MTMR3: variants seen among roughly 807,000 people sequenced by gnomAD.
MTMR3 encodes phosphatidylinositol-3,5-bisphosphate 3-phosphatase MTMR3.
A neutral mutation model predicts 132.4 loss-of-function variants in MTMR3; 32 were observed. The observed-to-expected ratio is 0.24, with a 90% CI of 0.18 to 0.32. MTMR3 has a LOEUF of 0.32. Ranked by LOEUF, MTMR3 falls within the 10% of genes least tolerant of loss-of-function variation. The pLI, the probability that MTMR3 is intolerant of heterozygous loss-of-function variation, is 1.00. For synonymous variants in MTMR3, 556 were observed against 550.3 expected, an observed-to-expected ratio of 1.01 and a Z score of -0.14; for missense variants, 1,216 against 1,489.6, an observed-to-expected ratio of 0.82 and a Z score of 3.02.
intron 3 of MTMR3, among the ~76,000 whole-genome samples, chr22:29,976,827 A>C (rs912830113): frequency 7.9e-5 from 12 of 152,212 alleles, no homozygotes; most frequent in Admixed American, 2.0e-4. Flanking sequence ...GGTTGCTGTT[A>C]GTAAAACCTT....
chr22:30,008,083 C>T lies in MTMR3; in HGVS notation c.1009+51C>T, dbSNP rs765707291. On this transcript the variant is annotated intron_variant, in intron 11 of 19. Transcript: ENST00000401950. Reference sequence around the variant, plus strand: ...CATACTTTCTCCTTGTGAGTGTAGCCCTTGCCCAACTGAGACTTAGTTCCC... The same window carrying T: ...CATACTTTCTCCTTGTGAGTGTAGCTCTTGCCCAACTGAGACTTAGTTCCC... The T allele has an allele frequency of 6.3e-6, 10 of 1,588,372 alleles. No individual in the cohort carries two copies. The Admixed American group carries it at 1.2e-4, about 19-fold the overall frequency.
At chr22:29,994,083 A>T in intron 7 of MTMR3, 1 of 984,572 alleles carries the variant, frequency 1.0e-6, no homozygotes, top group Non-Finnish European at 1.2e-6. Context: ...CAAATCTGTT[A>T]ATGCTGCAGA....
chr22:29,932,790 T>C (rs1187030385), intron 1 of MTMR3, among the ~76,000 whole-genome samples: 1 of 152,154 alleles, frequency 6.6e-6, no homozygotes, highest in African/African-American at 2.4e-5. Flanking sequence ...ATAATAATAG[T>C]TATAGAAATA....
chr22:29,887,051 A>G (rs1282144101), intron 1 of MTMR3, among the ~76,000 whole-genome samples: 1 of 152,216 alleles, frequency 6.6e-6, no homozygotes, highest in Admixed American at 6.5e-5. Flanking sequence ...GAGGCTACCA[A>G]ATTATTAACA....
rs544971270 is a variant in MTMR3, at chr22:29,969,332, A to G, written c.-84-1644A>G. On this transcript the variant is annotated intron_variant, in intron 2 of 19. Coordinates refer to ENST00000401950, the MANE Select transcript of MTMR3 (RefSeq NM_021090.4). The stretch of plus-strand genomic sequence containing the variant: ...TTTTTCTATCCTATTTAATTAATCC[A>G]CTCAAATCCTATGGGCAGTATTTTC... 2.0e-5 allele frequency among the ~76,000 whole-genome samples: 3 copies of G among 152,062 alleles called. No individual in the cohort carries two copies. In the East Asian group the frequency reaches 5.8e-4, roughly 29 times the overall value.
intron 1 of MTMR3, among the ~76,000 whole-genome samples, chr22:29,939,031 A>C (rs2065805197): frequency 6.6e-6 from 1 of 151,974 alleles, no homozygotes; most frequent in Non-Finnish European, 1.5e-5. Flanking sequence ...CATATTGGCC[A>C]GGCTGGTCTC....
chr22:29,955,643 T>C (rs571893196), intron 1 of MTMR3, among the ~76,000 whole-genome samples: 57 of 152,358 alleles, frequency 3.7e-4, no homozygotes, highest in South Asian at 1.4e-3. Flanking sequence ...ATAAAAGTTA[T>C]TGGGGAGACA....
chr22:29,982,951 G>T (rs995166058), intron 5 of MTMR3: 27 of 148,882 alleles, frequency 1.8e-4, no homozygotes, highest in African/African-American at 6.4e-4. Context: ...GTGTGTGTGT[G>T]TGTGTGTGTG....
chr22:30,015,876 C>G lies in MTMR3; in HGVS notation c.1504-652C>G, dbSNP rs1337593129. On this transcript the variant is annotated intron_variant, in intron 14 of 19. Coordinates refer to ENST00000401950, the MANE Select transcript of MTMR3 (RefSeq NM_021090.4). The stretch of plus-strand genomic sequence containing the variant: ...GTAGCTCAGAAATTGCAAGCATGTG[C>G]TTTACCTCAAAGCCATTGCACCTGT... 3.3e-5 allele frequency: 5 copies of G among 152,378 alleles called. No homozygotes were observed. In the East Asian group the frequency reaches 9.6e-4, roughly 29 times the overall value. 9.4% of individuals were successfully genotyped at this position (152,378 alleles called of 1,614,324 possible). A position where few individuals can be genotyped will look rare whatever the true frequency, so the allele number is the denominator to read the frequency against.
At chr22:30,023,011 A>G in intron 19 of MTMR3, 1 of 425,264 alleles carries the variant, frequency 2.4e-6, no homozygotes, top group South Asian at 2.9e-5. Context: ...CCCATTCAAC[A>G]TGGCTACTAT....
At chr22:30,002,251 T>A (rs1451988831) in intron 8 of MTMR3, 1 of 152,276 alleles carries the variant, frequency 6.6e-6, no homozygotes, top group African/African-American at 2.4e-5. Flanking sequence ...TTAGTCACAT[T>A]ACTAACCTGG....
intron 7 of MTMR3, chr22:29,994,015 C>A (rs2067013415): frequency 1.6e-6 from 1 of 615,932 alleles, no homozygotes; most frequent in Non-Finnish European, 2.0e-6. Flanking sequence ...TTCCTTTGTG[C>A]TTTAAAGTGG....
intron 8 of MTMR3, chr22:30,002,298 G>A (rs1287657755): frequency 2.6e-5 from 4 of 152,412 alleles, no homozygotes; most frequent in Non-Finnish European, 5.9e-5. Context: ...AGATAGACTG[G>A]CTTGTGTTGG....
intron 1 of MTMR3, among the ~76,000 whole-genome samples, chr22:29,907,018 A>G (rs574105169): frequency 6.6e-6 from 1 of 152,008 alleles, no homozygotes; most frequent in East Asian, 1.9e-4. Context: ...CGGAGGTTGC[A>G]GTGAGCTGAG....
chr22:30,022,788 C>T, intron 19 of MTMR3, 91 bp downstream of exon 19: 1 of 1,171,940 alleles, frequency 8.5e-7, no homozygotes, highest in Non-Finnish European at 1.2e-6. Flanking sequence ...GTGGGTATCT[C>T]AGTGTTCTGT....
intron 18 of MTMR3, 155 bp downstream of exon 18, chr22:30,022,294 A>T (rs1319770226): frequency 1.6e-6 from 1 of 638,842 alleles, no homozygotes; most frequent in Non-Finnish European, 2.7e-6. Flanking sequence ...AACCCACATG[A>T]AGCCTAGGAT....
chr22:29,985,978 A>G (rs187245318), intron 5 of MTMR3: 17 of 150,240 alleles, frequency 1.1e-4, no homozygotes, highest in African/African-American at 4.0e-4. Flanking sequence ...AGCAAAGGCT[A>G]ATCCATTTCC....
chr22:29,925,399 C>G (rs1226218257), intron 1 of MTMR3, among the ~76,000 whole-genome samples: 1 of 152,102 alleles, frequency 6.6e-6, no homozygotes, highest in Non-Finnish European at 1.5e-5. Context: ...GGACTGGTAG[C>G]TTGCAAACAG....
chr22:29,965,838 T>C (rs2066404898), intron 2 of MTMR3, among the ~76,000 whole-genome samples: 1 of 152,134 alleles, frequency 6.6e-6, no homozygotes, highest in East Asian at 1.9e-4. Context: ...AGTTGGGACA[T>C]CCGGGATGCT....
Sources: allele counts gnomAD v4.1 joint callset (sites outside exome capture counted in the v4.1 genomes callset), GRCh38; gene constraint gnomAD v4.1.1; transcripts MANE v1.5; gene names NCBI Gene and HGNC (gene_info 2026-07-23, HGNC 2026-07-21).